Variants in ZNF195 observed in about 807,000 individuals in gnomAD.
The protein encoded by ZNF195 is zinc finger protein 195.
ZNF195 carries 11 observed loss-of-function variants against 19.5 expected under a neutral mutation model. That is an observed-to-expected ratio of 0.57 (90% confidence interval 0.36 to 0.94). The LOEUF is 0.94. ZNF195 is among the 40% of genes least tolerant of loss of function. The pLI is 0.01. For synonymous variants in ZNF195, 214 were observed against 248.1 expected (o/e 0.86, Z 1.29); for missense variants, 582 against 709.0 (o/e 0.82, Z 2.03).
intron 1 of ZNF195, among the ~76,000 whole-genome samples, chr11:3,376,235 G>T (rs1209924415): frequency 6.6e-6 from 1 of 151,954 alleles, no homozygotes; most frequent in East Asian, 1.9e-4. Context: ...ACCCGCAGGG[G>T]AGGCTCCTTG....
chr11:3,369,002 C>A, intron 3 of ZNF195: 1 of 301,548 alleles, frequency 3.3e-6, no homozygotes, highest in Admixed American at 3.8e-5. Flanking sequence ...TTGGTCTTGG[C>A]AATCATTTTT....
chr11:3,360,404 T>G lies in ZNF195; in HGVS notation c.604A>C (p.Asn202His), dbSNP rs201666717. 6.2e-7 allele frequency: 1 copy of G among 1,612,506 alleles called. No homozygotes were observed. The highest frequency in any genetic ancestry group is 8.5e-7 in the Non-Finnish European group (1 of 1,179,652). The change falls in exon 6 of 6, where the codon AAT becomes CAT. Residue 202 changes from asparagine (N) to histidine (H), a missense_variant. Transcript: ENST00000399602. ...LDECKLQKDY[N>H]GLNQCSSTTH... The stretch of plus-strand genomic sequence containing the variant: ...GTTGATGAACATTGGTTAAGTCCAT[T>G]ATAATCTTTTTGCAACTTACACTCA...
intron 4 of ZNF195, 107 bp from the exon 5 acceptor site, chr11:3,360,895 G>T: frequency 2.1e-6 from 2 of 949,296 alleles, no homozygotes; most frequent in Non-Finnish European, 3.0e-6. Context: ...TCAGCTCTTG[G>T]CTTCTCCTTC....
chr11:3,365,328 GAAGCAGA>G (rs1157515644), intron 3 of ZNF195, among the ~76,000 whole-genome samples: 1 of 152,162 alleles, frequency 6.6e-6, no homozygotes, highest in Admixed American at 6.5e-5. Context: ...CCAGTCCAAA[GAAGCAGA>G]ATATACAATA....
rs763436510 is a variant in ZNF195, at chr11:3,359,231, G to A, written c.1777C>T (p.Leu593Phe). ...GTATGAATTCTCTTATGTACAATAA[G>A]GTTTGAGGACTGGGTAAAGTTTTTT... is the stretch of plus-strand genomic sequence containing the variant. ...CGKNFTQSSNLIVHKRIHTGE... is the reference protein window; with the variant it reads ...CGKNFTQSSNFIVHKRIHTGE... The change falls in exon 6 of 6, where the codon CTT becomes TTT. Residue 593 changes from leucine (L) to phenylalanine (F), a missense_variant. Transcript: ENST00000399602. This position sits in a 1 kb window ranked among gnomAD's most constrained non-coding sequence, Gnocchi z 5.5. The A allele has an allele frequency of 1.9e-6, 3 of 1,614,090 alleles. No homozygotes were observed. The highest frequency in any genetic ancestry group is 8.5e-7 in the Non-Finnish European group (1 of 1,179,994).
rs536006237 is a variant in ZNF195 at position 3,378,907 on chromosome 11, G to C, written c.3+131C>G. 101 of 1,153,940 alleles carry C rather than the reference G, an allele frequency of 8.8e-5. 1 individual carries two copies. 71.5% of individuals were successfully genotyped at this position (1,153,940 alleles called of 1,614,324 possible). ...GGGGCGCGCGGGGCCCGGCCGCCAT[G>C]GTGCAGCTGGAGGGGCCTCGGGTCC... On this transcript the variant is annotated intron_variant, in intron 1 of 5. Coordinates refer to ENST00000399602, the MANE Select transcript of ZNF195 (RefSeq NM_001130520.3).
At position 3,359,798 on chromosome 11, in the gene ZNF195, C is replaced by T. The variant is rs375079282; in HGVS notation, c.1210G>A (p.Glu404Lys). Reference sequence around the variant, plus strand: ...CATTTGAAAGGTTTCCCTCCAATCTCATTTCTCTGGTGTTTGGAAGGATTT... The same window carrying T: ...CATTTGAAAGGTTTCCCTCCAATCTTATTTCTCTGGTGTTTGGAAGGATTT... Reference protein sequence around the residue: ...SPNPSKHQRNEIGGKPFKCEE... With the variant: ...SPNPSKHQRNKIGGKPFKCEE... Residue 404 changes from glutamate to lysine, a missense_variant, in exon 6 of 6, where the codon GAG becomes AAG. Physicochemically the swap from Glu to Lys is moderately conservative, Grantham distance 56. Transcript: ENST00000399602. The surrounding 1 kb of genome is among the most constrained non-coding windows in gnomAD (Gnocchi z 5.5). 53 of 1,614,090 alleles carry T rather than the reference C, an allele frequency of 3.3e-5. No individual in the cohort carries two copies. Among genetic ancestry groups the T allele is most frequent in the Non-Finnish European group, 4.0e-5 (47 of 1,180,022 alleles).
chr11:3,379,044 C>T lies in ZNF195; in HGVS notation c.-4G>A. 1 of 1,495,976 alleles carries T rather than the reference C, an allele frequency of 6.7e-7. No individual in the cohort carries two copies. The highest frequency in any genetic ancestry group is 9.0e-7 in the Non-Finnish European group (1 of 1,112,640). The allele number at this position is 1,495,976 out of a possible 1,614,324, so 92.7% of individuals were successfully genotyped here. A position where few individuals can be genotyped will look rare whatever the true frequency, so the allele number is the denominator to read the frequency against. On this transcript the variant is annotated 5_prime_UTR_variant, in exon 1 of 6. Coordinates refer to ENST00000399602, the MANE Select transcript of ZNF195 (RefSeq NM_001130520.3). ...GCCTGGCCCCTACACTCACCATCTC[C>T]TGGCCTCCAGAGAGCCTGGCGTTTC...
At chr11:3,372,424 G>C (rs2133723411) in intron 1 of ZNF195, among the ~76,000 whole-genome samples, 1 of 152,318 alleles carries the variant, frequency 6.6e-6, no homozygotes, top group South Asian at 2.1e-4. Flanking sequence ...ACTGTAATAG[G>C]ACAGATTTTT....
intron 1 of ZNF195, among the ~76,000 whole-genome samples, chr11:3,373,069 T>C (rs564361640): frequency 1.3e-5 from 2 of 152,368 alleles, no homozygotes; most frequent in East Asian, 3.9e-4. Flanking sequence ...AGTCTTTCTT[T>C]AGCATTCTAA....
chr11:3,368,321 A>G (rs1259768699), intron 3 of ZNF195, among the ~76,000 whole-genome samples: 4 of 152,216 alleles, frequency 2.6e-5, no homozygotes, highest in African/African-American at 7.2e-5. Context: ...ATGCCTTTCC[A>G]AGAGAATCAG....
intron 3 of ZNF195, chr11:3,362,961 A>T (rs1328047157): frequency 6.4e-6 from 1 of 156,942 alleles, no homozygotes. Flanking sequence ...TGCAAAATAC[A>T]TCTTAAGTCA....
Position 3,372,450 on chromosome 11 carries a change from AC to A in ZNF195, c.4-748del, listed in dbSNP as rs1217172736. Among the ~76,000 whole-genome samples the A allele has an allele frequency of 5.2e-5, 8 of 152,386 alleles. 1 individual carries two copies. The highest frequency in any genetic ancestry group is 1.4e-4 in the African/African-American group (6 of 41,598). On this transcript the variant is annotated intron_variant, in intron 1 of 5. Transcript: ENST00000399602. ...ACAGATTTTTATCACGTGCCAATGC[AC>A]AGAGAAGGACATATTACTGGTGTGA... is the stretch of plus-strand genomic sequence containing the variant.
rs1349940595 is a variant in ZNF195 at position 3,358,534 on chromosome 11, A to C, written c.*584T>G. 6.6e-6 allele frequency: 1 copy of C among 152,226 alleles called. No homozygotes were observed. Among genetic ancestry groups the C allele is most frequent in the Non-Finnish European group, 1.5e-5 (1 of 68,044 alleles). The allele number at this position is 152,226 out of a possible 1,614,324, so 9.4% of individuals were successfully genotyped here. ...ACTGACCATGTGTTTTCACATCAGC[A>C]CTAGAAATGAAGACACAGCATCTAC... is the stretch of plus-strand genomic sequence containing the variant. On this transcript the variant is annotated 3_prime_UTR_variant, in exon 6 of 6. Transcript: ENST00000399602.
chr11:3,375,966 C>T (rs7926150), intron 1 of ZNF195, among the ~76,000 whole-genome samples: 5,192 of 152,312 alleles, frequency 0.034, 328 homozygotes, highest in African/African-American at 0.12. Context: ...CCATGAGATC[C>T]ATGATAGTTG....
At chr11:3,375,313 T>C (rs1340711412) in intron 1 of ZNF195, among the ~76,000 whole-genome samples, 1 of 152,222 alleles carries the variant, frequency 6.6e-6, no homozygotes, top group Middle Eastern at 3.2e-3. Context: ...TAATCTATTT[T>C]GGCCACTTCC....
chr11:3,375,641 G>C (rs1849425263), intron 1 of ZNF195: 1 of 151,810 alleles, frequency 6.6e-6, no homozygotes, highest in Non-Finnish European at 1.5e-5. Flanking sequence ...GACCATGGCT[G>C]CCTTCTCTGT....
At chr11:3,367,334 G>A (rs1238007237) in intron 3 of ZNF195, among the ~76,000 whole-genome samples, 1 of 151,952 alleles carries the variant, frequency 6.6e-6, no homozygotes, top group Non-Finnish European at 1.5e-5. Flanking sequence ...AAAACACTAA[G>A]AGATGTTAGT....
chr11:3,372,997 G>GT, intron 1 of ZNF195, among the ~76,000 whole-genome samples: 1 of 152,336 alleles, frequency 6.6e-6, no homozygotes, highest in South Asian at 2.1e-4. Flanking sequence ...GCCTCCCAAA[G>GT]TGTTGGGATT....
Sources: gnomAD v4.1 joint callset for allele counts (sites outside exome capture counted in the v4.1 genomes callset) on GRCh38, gnomAD v4.1.1 for gene constraint, Gnocchi (gnomAD v3.1) non-coding constraint, MANE v1.5 for transcripts, NCBI Gene and HGNC (gene_info 2026-07-23, HGNC 2026-07-21) for gene names.